MALRD1: variants seen among roughly 807,000 people sequenced by gnomAD.
The protein encoded by MALRD1 is MAM and LDL receptor class A domain containing 1, also known as MAM and LDL-receptor class A domain-containing protein 1.
Under a neutral mutation model 242.1 loss-of-function variants are expected in MALRD1, and 247 were observed. That is an observed-to-expected ratio of 1.02 (90% CI 0.92 to 1.13). The LOEUF (loss-of-function observed/expected upper bound fraction) is 1.13, where lower values mean the gene tolerates loss of function less well. MALRD1 is among the 50% of genes most tolerant of loss of function. The pLI is 0.00. For missense variants in MALRD1, 2,989 were observed against 2,533.1 expected (o/e 1.18, Z -3.86); for synonymous variants, 995 against 866.6 (o/e 1.15, Z -2.60).
intron 20 of MALRD1, among the ~76,000 whole-genome samples, chr10:19,281,863 A>G (rs1840828709): frequency 6.6e-6 from 1 of 151,198 alleles, no homozygotes; most frequent in African/African-American, 2.4e-5. Flanking sequence ...AATCCCAGCT[A>G]CTTAGGAGGC....
In MALRD1 at chr10:19,113,364, G is replaced by T. The variant is rs895355381; in HGVS notation, c.694+9289G>T. Among the ~76,000 whole-genome samples, 5 of 152,012 alleles carry T rather than the reference G, an allele frequency of 3.3e-5. No individual in the cohort carries two copies. The South Asian group carries it at 1.0e-3, about 32-fold the overall frequency. On this transcript the variant is annotated intron_variant, in intron 5 of 39. Transcript: ENST00000454679. ...ACAAATTACTTGTGAGTTCAGCAAC[G>T]CAGTGTCCTCTAATTCCTGGGTATT...
chr10:19,279,912 A>G, intron 19 of MALRD1, 135 bp from the exon 20 acceptor site: 2 of 557,186 alleles, frequency 3.6e-6, no homozygotes, highest in Non-Finnish European at 5.6e-6. Context: ...TTATTTTAGC[A>G]GAGTAGCTGA....
At chr10:19,133,724 A>C in intron 8 of MALRD1, 132 bp from the exon 9 acceptor site, 3 of 405,710 alleles carry the variant, frequency 7.4e-6, no homozygotes, top group Admixed American at 8.9e-5. Context: ...TACTACCAAG[A>C]CTTTAGATTT....
chr10:19,079,399 T>C (rs1199240151), intron 2 of MALRD1, among the ~76,000 whole-genome samples: 2 of 151,852 alleles, frequency 1.3e-5, no homozygotes, highest in South Asian at 2.1e-4. Flanking sequence ...ACCTAAAATA[T>C]TATCTCTCTT....
chr10:19,575,143 A>T (rs894992896), intron 33 of MALRD1, among the ~76,000 whole-genome samples: 1 of 152,136 alleles, frequency 6.6e-6, no homozygotes, highest in Non-Finnish European at 1.5e-5. Flanking sequence ...GCCCCGTTTC[A>T]CTTATTTATG....
intron 13 of MALRD1, among the ~76,000 whole-genome samples, chr10:19,166,871 G>T (rs757376363): frequency 2.0e-4 from 31 of 152,146 alleles, no homozygotes; most frequent in Non-Finnish European, 4.4e-4. Context: ...ACACTGTTTT[G>T]GAGTCAGTGG....
At chr10:19,068,760 A>G (rs1477849880) in intron 2 of MALRD1, among the ~76,000 whole-genome samples, 1 of 152,154 alleles carries the variant, frequency 6.6e-6, no homozygotes, top group Non-Finnish European at 1.5e-5. Context: ...TTCTCATTTC[A>G]TAAGTATTAA....
intron 28 of MALRD1, among the ~76,000 whole-genome samples, chr10:19,439,638 A>G (rs1436868153): frequency 6.6e-6 from 1 of 152,220 alleles, no homozygotes; most frequent in Non-Finnish European, 1.5e-5. Context: ...TACATTAGCT[A>G]TACAACTATA....
Position 19,179,509 on chromosome 10 carries a change from G to A in MALRD1, c.1951+4181G>A, listed in dbSNP as rs1037452595. Among the ~76,000 whole-genome samples the A allele has an allele frequency of 2.6e-5, 4 of 152,014 alleles. No homozygotes were observed. The East Asian group carries it at 7.8e-4, about 29-fold the overall frequency. On this transcript the variant is annotated intron_variant, in intron 14 of 39. Transcript: ENST00000454679. ...TACTAAAAATATAAAAATTATCAGG[G>A]CATGGTGGCACACACCTGTAATCCC...
chr10:19,068,084 C>G (rs2131247235), intron 2 of MALRD1, among the ~76,000 whole-genome samples: 1 of 152,154 alleles, frequency 6.6e-6, no homozygotes, highest in South Asian at 2.1e-4. Context: ...AACCTAACGG[C>G]CATTGCAGTC....
chr10:19,251,990 G>C (rs940570258), intron 18 of MALRD1, among the ~76,000 whole-genome samples: 10 of 151,946 alleles, frequency 6.6e-5, no homozygotes, highest in African/African-American at 2.4e-4. Context: ...ATGATTGTAA[G>C]TTTCCTGAGG....
In MALRD1 at chr10:19,248,839, G is replaced by A. The variant is rs185307800; in HGVS notation, c.2992-8845G>A. Among the ~76,000 whole-genome samples, 59 of 150,288 alleles carry A rather than the reference G, an allele frequency of 3.9e-4. 1 individual carries two copies. The South Asian group carries it at 0.011, about 28-fold the overall frequency. On this transcript the variant is annotated intron_variant, in intron 18 of 39. Coordinates refer to ENST00000454679, the MANE Select transcript of MALRD1 (RefSeq NM_001142308.3). ...TAAAATGATAGATTTTAAAAAATAT[G>A]TTGTAAGACTGGCCACAACTAATAG... is the stretch of plus-strand genomic sequence containing the variant.
chr10:19,430,977 CT>C (rs1333563997), intron 28 of MALRD1, among the ~76,000 whole-genome samples: 1 of 152,072 alleles, frequency 6.6e-6, no homozygotes, highest in East Asian at 1.9e-4. Flanking sequence ...GGATTCTAAT[CT>C]TTAGTTAATA....
chr10:19,173,100 T>C (rs1835081704), intron 13 of MALRD1, among the ~76,000 whole-genome samples: 2 of 152,100 alleles, frequency 1.3e-5, no homozygotes, highest in African/African-American at 4.8e-5. Context: ...AGATTTTATC[T>C]TGAGTATCTT....
In MALRD1 at chr10:19,734,266, T is replaced by C; in HGVS notation, c.*29T>C. 6.6e-7 allele frequency: 1 copy of C among 1,508,240 alleles called. No homozygotes were observed. The allele number at this position is 1,508,240 out of a possible 1,614,324, so 93.4% of individuals were successfully genotyped here. A position where few individuals can be genotyped will look rare whatever the true frequency, so the allele number is the denominator to read the frequency against. On this transcript the variant is annotated 3_prime_UTR_variant, in exon 40 of 40. Coordinates refer to ENST00000454679, the MANE Select transcript of MALRD1 (RefSeq NM_001142308.3). ...CATCGAGACCAAGTCTGATCCAACATGTGTAGTTTCTAGAAAATTGAAGTC... is the reference window on the plus strand; with the variant it reads ...CATCGAGACCAAGTCTGATCCAACACGTGTAGTTTCTAGAAAATTGAAGTC...
chr10:19,629,577 A>G (rs1839819183), intron 36 of MALRD1, among the ~76,000 whole-genome samples: 1 of 152,138 alleles, frequency 6.6e-6, no homozygotes, highest in Non-Finnish European at 1.5e-5. Context: ...TAGTATGTGC[A>G]CGGCCAAGCT....
chr10:19,304,998 T>C (rs1842103368), intron 21 of MALRD1, among the ~76,000 whole-genome samples: 1 of 151,704 alleles, frequency 6.6e-6, no homozygotes, highest in Admixed American at 6.6e-5. Context: ...CCCCAATCAT[T>C]GAAGTCATTG....
At chr10:19,348,642 G>A (rs1844233734) in intron 25 of MALRD1, among the ~76,000 whole-genome samples, 2 of 152,106 alleles carry the variant, frequency 1.3e-5, no homozygotes, top group Admixed American at 1.3e-4. Context: ...TTTGGGAAAA[G>A]CAGCAGCCTC....
chr10:19,689,803 G>A (rs1239157326), intron 36 of MALRD1, among the ~76,000 whole-genome samples: 2 of 151,986 alleles, frequency 1.3e-5, no homozygotes, highest in African/African-American at 4.8e-5. Flanking sequence ...AAATTGTTAT[G>A]CAGGAGGGGA....
Sources: gnomAD v4.1 joint callset for allele counts (sites outside exome capture counted in the v4.1 genomes callset) on GRCh38, gnomAD v4.1.1 for gene constraint, MANE v1.5 for transcripts, NCBI Gene and HGNC (gene_info 2026-07-23, HGNC 2026-07-21) for gene names.